The following SPRY3 variants were observed in gnomAD, a reference collection of about 807,000 sequenced individuals.
SPRY3 encodes protein sprouty homolog 3.
SPRY3 carries 15 observed loss-of-function variants against 20.2 expected under a neutral mutation model. The observed-to-expected ratio is 0.74, with a 90% CI of 0.50 to 1.14. The LOEUF (loss-of-function observed/expected upper bound fraction) is 1.14, where lower values mean the gene tolerates loss of function less well. Ranked by LOEUF, SPRY3 falls within the 50% of genes most tolerant of loss-of-function variation. The pLI is 0.00. For missense variants in SPRY3, 364 were observed against 363.9 expected (o/e 1.00, Z 0.00); for synonymous variants, 143 against 136.5 (o/e 1.05, Z -0.33).
At chrX:155,762,951 A>G (rs2091310194) in intron 2 of SPRY3, among the ~76,000 whole-genome samples, 1 of 152,198 alleles carries the variant, frequency 6.6e-6, no homozygotes, top group African/African-American at 2.4e-5. Flanking sequence ...TGGCAAAGAC[A>G]TGGAATCAAT....
intron 2 of SPRY3, among the ~76,000 whole-genome samples, chrX:155,661,185 T>C (rs782057300): frequency 1.8e-5 from 2 of 112,400 alleles, no homozygotes; most frequent in African/African-American, 6.4e-5. Context: ...TGTTTCCTTG[T>C]TGAAAATTCC....
chrX:155,725,348 G>A (rs1849067557), intron 2 of SPRY3, among the ~76,000 whole-genome samples: 1 of 152,174 alleles, frequency 6.6e-6, no homozygotes, highest in Non-Finnish European at 1.5e-5. Context: ...AAGTTAGGGA[G>A]GATTCCCTCT....
intron 2 of SPRY3, among the ~76,000 whole-genome samples, chrX:155,724,841 A>G: frequency 6.6e-6 from 1 of 152,152 alleles, no homozygotes. Context: ...CCTGGCCAGA[A>G]CTTCCAACAC....
chrX:155,704,393 C>G (rs1569380071), intron 2 of SPRY3, among the ~76,000 whole-genome samples: 1 of 151,616 alleles, frequency 6.6e-6, no homozygotes, highest in Non-Finnish European at 1.5e-5. Context: ...AGGGGCCCAA[C>G]AGAACTGACA....
intron 2 of SPRY3, chrX:155,767,720 A>AACAGGAGGAGGAGGAGAG (rs2091345492): frequency 3.1e-5 from 2 of 64,458 alleles, no homozygotes; most frequent in Admixed American, 1.6e-4. Flanking sequence ...GAGGAGGAGA[A>AACAGGAGGAGGAGGAGAG]AGAGGAGGAG....
intron 2 of SPRY3, among the ~76,000 whole-genome samples, chrX:155,752,654 T>C (rs2091268981): frequency 6.6e-6 from 1 of 151,806 alleles, no homozygotes; most frequent in Non-Finnish European, 1.5e-5. Context: ...CCAATATTTA[T>C]ATTTAAAAGT....
chrX:155,766,105 G>C (rs2091326798), intron 2 of SPRY3, among the ~76,000 whole-genome samples: 1 of 152,134 alleles, frequency 6.6e-6, no homozygotes. Context: ...AAGAGAGCTG[G>C]ATTTGTTTAG....
In SPRY3 at chrX:155,670,369, C is replaced by T. The variant is rs782517661; in HGVS notation, c.-282+13344C>T. 6.2e-5 allele frequency among the ~76,000 whole-genome samples: 7 copies of T among 112,133 alleles called. No individual in the cohort carries two copies. In the South Asian group the frequency reaches 2.6e-3, roughly 41 times the overall value. On this transcript the variant is annotated intron_variant, in intron 2 of 3. Coordinates refer to ENST00000675360, the Ensembl canonical transcript of SPRY3. ...TCAAGTTGTTTGGCCTTGTCCAATTCTTTCCCTCTGGGGAAGCTTCTTGCA... is the reference window on the plus strand; with the variant it reads ...TCAAGTTGTTTGGCCTTGTCCAATTTTTTCCCTCTGGGGAAGCTTCTTGCA...
chrX:155,617,767 T>C (rs1557349043), intron 1 of SPRY3, among the ~76,000 whole-genome samples: 1 of 112,033 alleles, frequency 8.9e-6, no homozygotes, highest in Admixed American at 9.5e-5. Context: ...CAAAACAGTG[T>C]GGTATTAGAG....
rs2091399275 is a variant in SPRY3, at chrX:155,773,763, T to C, written c.-106-3T>C. The C allele has an allele frequency of 7.6e-7, 1 of 1,318,320 alleles. No homozygotes were observed. Among genetic ancestry groups the C allele is most frequent in the African/African-American group, 1.5e-5 (1 of 67,602 alleles). 81.7% of individuals were successfully genotyped at this position (1,318,320 alleles called of 1,614,324 possible). A position where few individuals can be genotyped will look rare whatever the true frequency, so the allele number is the denominator to read the frequency against. On this transcript the variant is annotated splice_polypyrimidine_tract_variant and splice_region_variant and intron_variant, in intron 3 of 3. Coordinates refer to ENST00000675360, the Ensembl canonical transcript of SPRY3. ...TTTACTGTTTTTATGCCTTCTCTCCTAGGATTTTCTCATGTGCCCTGAAAT... is the reference window on the plus strand; with the variant it reads ...TTTACTGTTTTTATGCCTTCTCTCCCAGGATTTTCTCATGTGCCCTGAAAT...
intron 2 of SPRY3, among the ~76,000 whole-genome samples, chrX:155,750,102 A>G (rs2091253775): frequency 6.6e-6 from 1 of 151,922 alleles, no homozygotes; most frequent in Admixed American, 6.6e-5. Flanking sequence ...ACAGTCATAA[A>G]AAAGAGTGAA....
rs782811385 is a variant in SPRY3 at position 155,637,150 on chromosome X, A to G, written c.-440-19717A>G. Among the ~76,000 whole-genome samples the G allele has an allele frequency of 2.0e-4, 22 of 109,153 alleles. No homozygotes were observed. The East Asian group carries it at 4.6e-3, about 23-fold the overall frequency. 94.8% of individuals were successfully genotyped at this position (109,153 alleles called of 115,157 possible). ...GTATACATATGTAACTAACCTGCAC[A>G]TTGTGCACATGTACCTTAAAACTTA... On this transcript the variant is annotated intron_variant, in intron 1 of 3. Transcript: ENST00000675360.
chrX:155,751,417 G>A (rs193143585), intron 2 of SPRY3, among the ~76,000 whole-genome samples: 1 of 151,944 alleles, frequency 6.6e-6, no homozygotes, highest in East Asian at 1.9e-4. Flanking sequence ...ATCCCCCAAA[G>A]TCAAGTCCCT....
At chrX:155,750,048 G>A (rs1488933392) in intron 2 of SPRY3, among the ~76,000 whole-genome samples, 1 of 151,574 alleles carries the variant, frequency 6.6e-6, no homozygotes, top group Non-Finnish European at 1.5e-5. Flanking sequence ...TTGCAGTTGG[G>A]AATTAAAATA....
intron 2 of SPRY3, among the ~76,000 whole-genome samples, chrX:155,714,021 A>C (rs1179154560): frequency 6.6e-6 from 1 of 151,718 alleles, no homozygotes; most frequent in African/African-American, 2.4e-5. Flanking sequence ...TGCATTTTTA[A>C]CTCTAGAATT....
chrX:155,734,124 G>A (rs1229604845), intron 2 of SPRY3, among the ~76,000 whole-genome samples: 1 of 152,050 alleles, frequency 6.6e-6, no homozygotes, highest in Non-Finnish European at 1.5e-5. Context: ...AACTTGGCCG[G>A]TTGGCACAAA....
chrX:155,634,626 G>A, intron 1 of SPRY3, among the ~76,000 whole-genome samples: 1 of 110,947 alleles, frequency 9.0e-6, no homozygotes, highest in Non-Finnish European at 1.9e-5. Flanking sequence ...ATTATACTTG[G>A]CCAGATTATT....
chrX:155,737,695 T>G (rs914629563), intron 2 of SPRY3, among the ~76,000 whole-genome samples: 2 of 152,100 alleles, frequency 1.3e-5, no homozygotes, highest in Non-Finnish European at 2.9e-5. Context: ...TGAATGTGAC[T>G]GGGGGATAGA....
chrX:155,762,057 T>C (rs973144094), intron 2 of SPRY3, among the ~76,000 whole-genome samples: 4 of 152,146 alleles, frequency 2.6e-5, no homozygotes, highest in Non-Finnish European at 5.9e-5. Context: ...ATATTCCTAC[T>C]TGAAAATGTC....
Sources: gnomAD v4.1 joint callset for allele counts (sites outside exome capture counted in the v4.1 genomes callset) on GRCh38, gnomAD v4.1.1 for gene constraint, MANE v1.5 for transcripts, NCBI Gene and HGNC (gene_info 2026-07-23, HGNC 2026-07-21) for gene names.